CFAP299: variants seen among roughly 807,000 people sequenced by gnomAD.
CFAP299 encodes cilia and flagella associated protein 299, also known as cilia- and flagella-associated protein 299.
A neutral mutation model predicts 27.0 loss-of-function variants in CFAP299; 21 were observed. The ratio of observed to expected loss-of-function variants is 0.78; its 90% CI spans 0.55 to 1.12. The LOEUF is 1.12. Among genes scored for constraint, CFAP299 ranks in the 50% most tolerant of loss-of-function variants. The pLI is 0.00. For synonymous variants in CFAP299, 104 were observed against 98.1 expected (o/e 1.06, Z -0.36); for missense variants, 310 against 276.6 (o/e 1.12, Z -0.86).
chr4:80,706,356 C>T (rs1721819381), intron 3 of CFAP299, among the ~76,000 whole-genome samples: 1 of 151,682 alleles, frequency 6.6e-6, no homozygotes, highest in Non-Finnish European at 1.5e-5. Flanking sequence ...AAAAATCCCA[C>T]TTATATTAAA....
chr4:80,390,902 C>CATATATGTATATACACACATATGT (rs1172582402), intron 2 of CFAP299, among the ~76,000 whole-genome samples: 2,686 of 45,108 alleles, frequency 0.06, 425 homozygotes, highest in South Asian at 0.097. Flanking sequence ...CACACATATG[C>CATATATGTATATACACACATATGT]ATATATGTAT....
intron 3 of CFAP299, among the ~76,000 whole-genome samples, chr4:80,839,786 A>C (rs1340865185): frequency 1.3e-5 from 2 of 151,958 alleles, no homozygotes; most frequent in Non-Finnish European, 2.9e-5. Context: ...AATCCCCCTA[A>C]ATGTCTTTTA....
intron 3 of CFAP299, among the ~76,000 whole-genome samples, chr4:80,697,384 A>G (rs1721171423): frequency 6.6e-6 from 1 of 152,118 alleles, no homozygotes; most frequent in South Asian, 2.1e-4. Context: ...TTGTACAATC[A>G]TTGTTTTGGG....
chr4:80,813,512 G>A (rs1043750526), intron 3 of CFAP299, among the ~76,000 whole-genome samples: 3 of 151,948 alleles, frequency 2.0e-5, no homozygotes, highest in African/African-American at 7.2e-5. Context: ...ATCCTTTTCT[G>A]TTGATCCTAA....
intron 3 of CFAP299, among the ~76,000 whole-genome samples, chr4:80,628,031 AT>A (rs769657995): frequency 6.6e-6 from 1 of 152,146 alleles, no homozygotes; most frequent in Admixed American, 6.5e-5. Flanking sequence ...AAGCCAAAGC[AT>A]TTTGAACAAG....
At chr4:80,550,796 C>G (rs146252943) in intron 2 of CFAP299, among the ~76,000 whole-genome samples, 5 of 151,984 alleles carry the variant, frequency 3.3e-5, no homozygotes, top group African/African-American at 1.2e-4. Flanking sequence ...CACACACACA[C>G]ACGCATACAC....
In CFAP299 at chr4:80,456,851, G is replaced by A. The variant is rs374546698; in HGVS notation, c.242+93967G>A. Among the ~76,000 whole-genome samples, 30 of 152,256 alleles carry A rather than the reference G, an allele frequency of 2.0e-4. No homozygotes were observed. The East Asian group carries it at 4.6e-3, about 24-fold the overall frequency. The stretch of plus-strand genomic sequence containing the variant: ...GAGTCCTGCAACACTCCAATGCATA[G>A]AAGTTTGACAGATGAGGAAGAGCTA... On this transcript the variant is annotated intron_variant, in intron 2 of 5. Transcript: ENST00000358105.
intron 4 of CFAP299, among the ~76,000 whole-genome samples, chr4:80,907,839 C>G (rs1397451855): frequency 6.6e-6 from 1 of 152,080 alleles, no homozygotes; most frequent in Non-Finnish European, 1.5e-5. Flanking sequence ...AATTTCCTGA[C>G]AGTGTTTTTA....
At chr4:80,894,032 C>CAG (rs1734484420) in intron 4 of CFAP299, among the ~76,000 whole-genome samples, 3 of 150,892 alleles carry the variant, frequency 2.0e-5, no homozygotes, top group African/African-American at 7.3e-5. Context: ...AACAAATAAC[C>CAG]CAATTAAAAA....
chr4:80,810,363 C>CAT (rs1729084246), intron 3 of CFAP299, among the ~76,000 whole-genome samples: 1 of 151,682 alleles, frequency 6.6e-6, no homozygotes, highest in African/African-American at 2.4e-5. Flanking sequence ...CACACACACA[C>CAT]ACACACACAC....
intron 3 of CFAP299, among the ~76,000 whole-genome samples, chr4:80,663,308 A>G (rs1236387936): frequency 6.6e-6 from 1 of 151,070 alleles, no homozygotes; most frequent in Non-Finnish European, 1.5e-5. Context: ...CCTGACAGGC[A>G]CAGTGTTTGA....
upstream of CFAP299, among the ~76,000 whole-genome samples, chr4:80,331,624 T>C (rs1721942527): frequency 6.6e-6 from 1 of 152,172 alleles, no homozygotes; most frequent in African/African-American, 2.4e-5. Context: ...AAGACTGTCT[T>C]CCATGTTTCT....
chr4:80,673,729 G>A (rs908507915), intron 3 of CFAP299, among the ~76,000 whole-genome samples: 1 of 152,018 alleles, frequency 6.6e-6, no homozygotes, highest in Non-Finnish European at 1.5e-5. Flanking sequence ...TTTAGGATAG[G>A]TAGCTCTTCT....
intron 2 of CFAP299, among the ~76,000 whole-genome samples, chr4:80,509,149 C>A (rs1732175233): frequency 6.6e-6 from 1 of 152,160 alleles, no homozygotes; most frequent in Non-Finnish European, 1.5e-5. Flanking sequence ...AGATGCCTAA[C>A]TATAGCTCTT....
intron 2 of CFAP299, among the ~76,000 whole-genome samples, chr4:80,364,855 G>C (rs1325544580): frequency 6.6e-6 from 1 of 152,222 alleles, no homozygotes; most frequent in Non-Finnish European, 1.5e-5. Context: ...AGAACATGCA[G>C]TGTTTGGTTT....
chr4:80,509,744 T>G (rs1171743862), intron 2 of CFAP299, among the ~76,000 whole-genome samples: 1 of 152,204 alleles, frequency 6.6e-6, no homozygotes, highest in African/African-American at 2.4e-5. Flanking sequence ...CCATACTTTT[T>G]GAAGATTGAA....
intron 4 of CFAP299, among the ~76,000 whole-genome samples, chr4:80,879,697 G>A (rs779904264): frequency 6.6e-6 from 1 of 152,236 alleles, no homozygotes; most frequent in Non-Finnish European, 1.5e-5. Context: ...CTCAAGATGT[G>A]TAATTTTAAT....
chr4:80,660,116 A>G (rs1021986818), intron 3 of CFAP299, among the ~76,000 whole-genome samples: 5 of 152,172 alleles, frequency 3.3e-5, no homozygotes, highest in African/African-American at 1.2e-4. Context: ...AAATTATACT[A>G]CATTTAATCA....
chr4:80,956,253 A>G (rs1265234701), intron 5 of CFAP299, among the ~76,000 whole-genome samples: 1 of 152,196 alleles, frequency 6.6e-6, no homozygotes, highest in Non-Finnish European at 1.5e-5. Context: ...AGACCATGTC[A>G]ATTTACAATT....
Sources: gnomAD v4.1 joint callset for allele counts (sites outside exome capture counted in the v4.1 genomes callset) on GRCh38, gnomAD v4.1.1 for gene constraint, MANE v1.5 for transcripts, NCBI Gene and HGNC (gene_info 2026-07-23, HGNC 2026-07-21) for gene names.